Variants in CACNA1E observed in about 807,000 individuals in gnomAD.
The protein encoded by CACNA1E is voltage-dependent R-type calcium channel subunit alpha-1E.
Under a neutral mutation model 259.2 loss-of-function variants are expected in CACNA1E, and 40 were observed. That is an observed-to-expected ratio of 0.15 (90% confidence interval 0.12 to 0.20). CACNA1E has a LOEUF of 0.20. CACNA1E is among the 10% of genes least tolerant of loss of function. CACNA1E has a pLI of 1.00. For synonymous variants in CACNA1E, 1,104 were observed against 1,138.5 expected (o/e 0.97, Z 0.61); for missense variants, 1,874 against 3,040.1 (o/e 0.62, Z 9.02).
At chr1:181,624,363 C>T (rs1656001622) in intron 6 of CACNA1E, among the ~76,000 whole-genome samples, 2 of 152,184 alleles carry the variant, frequency 1.3e-5, no homozygotes, top group Non-Finnish European at 2.9e-5. Context: ...TGAAAGATTT[C>T]TCTATAGCAT....
chr1:181,496,756 G>A (rs189110635), intron 1 of CACNA1E, among the ~76,000 whole-genome samples: 126 of 152,260 alleles, frequency 8.3e-4, no homozygotes, highest in African/African-American at 3.0e-3. Context: ...CTTGGCTTCC[G>A]GAAACCAGAC....
At chr1:181,734,114 T>A (rs12139675) in intron 21 of CACNA1E, among the ~76,000 whole-genome samples, 16,745 of 152,152 alleles carry the variant, frequency 0.11, 968 homozygotes, top group Admixed American at 0.16. Context: ...TTAGGGAGCC[T>A]CTGATGGAGT....
chr1:181,332,816 A>C (rs1370338974), intron 1 of CACNA1E, among the ~76,000 whole-genome samples: 3 of 152,202 alleles, frequency 2.0e-5, no homozygotes, highest in African/African-American at 7.2e-5. Flanking sequence ...AACTGATAAA[A>C]TGCACACTCC....
chr1:181,470,054 T>TGA (rs956068748), intron 2 of CACNA1E, among the ~76,000 whole-genome samples: 7 of 143,260 alleles, frequency 4.9e-5, no homozygotes, highest in African/African-American at 7.7e-5. Flanking sequence ...AGAGAGAGAG[T>TGA]GAGAGAGAGA....
At chr1:181,716,494 G>A (rs1377752343) in intron 10 of CACNA1E, among the ~76,000 whole-genome samples, 1 of 152,114 alleles carries the variant, frequency 6.6e-6, no homozygotes, top group Non-Finnish European at 1.5e-5. Context: ...TTGCTTCCAG[G>A]GACACGGATG....
intron 6 of CACNA1E, among the ~76,000 whole-genome samples, chr1:181,593,637 C>G (rs1165697721): frequency 6.6e-6 from 1 of 152,164 alleles, no homozygotes; most frequent in Non-Finnish European, 1.5e-5. Context: ...CGCTCGGGTT[C>G]AAGCGATTCT....
At chr1:181,421,856 T>G (rs933923668) in intron 2 of CACNA1E, among the ~76,000 whole-genome samples, 3 of 152,210 alleles carry the variant, frequency 2.0e-5, no homozygotes, top group African/African-American at 7.2e-5. Flanking sequence ...TGCATCTTTG[T>G]TTCCCTAGAA....
At position 181,607,574 on chromosome 1, in the gene CACNA1E, C is replaced by G. The variant is rs183246418; in HGVS notation, c.951+26798C>G. On this transcript the variant is annotated intron_variant, in intron 6 of 47. Coordinates refer to ENST00000367573, the MANE Select transcript of CACNA1E (RefSeq NM_001205293.3). ...CGTTCCTGGCCATGGCTCTTATTCTCTAGAAGCTTCAGCCTTTCTGCAAAA... is the reference window on the plus strand; with the variant it reads ...CGTTCCTGGCCATGGCTCTTATTCTGTAGAAGCTTCAGCCTTTCTGCAAAA... 1.1e-3 allele frequency among the ~76,000 whole-genome samples: 174 copies of G among 152,258 alleles called. 2 individuals carry two copies. The highest frequency in any genetic ancestry group is 0.01 in the Middle Eastern group (3 of 294).
intron 6 of CACNA1E, among the ~76,000 whole-genome samples, chr1:181,621,226 G>C (rs1655694682): frequency 6.6e-6 from 1 of 152,236 alleles, no homozygotes; most frequent in Middle Eastern, 3.2e-3. Context: ...TGCCCCATGG[G>C]CAATCAGGAG....
chr1:181,449,186 TGCTGTG>T (rs1178606027), intron 2 of CACNA1E, among the ~76,000 whole-genome samples: 2 of 152,224 alleles, frequency 1.3e-5, no homozygotes, highest in Non-Finnish European at 2.9e-5. Flanking sequence ...AGACTATTGA[TGCTGTG>T]GCACTTTGGA....
At chr1:181,689,130 C>T (rs1007470153) in intron 7 of CACNA1E, among the ~76,000 whole-genome samples, 16 of 152,144 alleles carry the variant, frequency 1.1e-4, no homozygotes, top group African/African-American at 3.4e-4. Context: ...CTCCCCTACC[C>T]GCCCCCTGAT....
chr1:181,537,818 A>G lies in CACNA1E; in HGVS notation c.512+26308A>G, dbSNP rs192074497. On this transcript the variant is annotated intron_variant, in intron 3 of 47. Coordinates refer to ENST00000367573, the MANE Select transcript of CACNA1E (RefSeq NM_001205293.3). ...TCTATTCTATTACTATTGCCATTTTATAGATGAAGAAACAGAGGTACAGTG... is the reference window on the plus strand; with the variant it reads ...TCTATTCTATTACTATTGCCATTTTGTAGATGAAGAAACAGAGGTACAGTG... 7.9e-5 allele frequency among the ~76,000 whole-genome samples: 12 copies of G among 152,320 alleles called. No individual in the cohort carries two copies. The East Asian group carries it at 1.7e-3, about 22-fold the overall frequency.
chr1:181,698,317 C>T (rs976016421), intron 7 of CACNA1E, among the ~76,000 whole-genome samples: 2 of 152,190 alleles, frequency 1.3e-5, no homozygotes, highest in Non-Finnish European at 2.9e-5. Context: ...GTACTTTGTA[C>T]TTTAAGAGAG....
intron 3 of CACNA1E, among the ~76,000 whole-genome samples, chr1:181,572,849 A>G (rs1237475240): frequency 6.6e-6 from 1 of 152,124 alleles, no homozygotes; most frequent in Non-Finnish European, 1.5e-5. Context: ...TCTGGTCCTG[A>G]GAGTGAGATA....
At position 181,658,387 on chromosome 1, in the gene CACNA1E, G is replaced by A. The variant is rs191135816; in HGVS notation, c.1055+6946G>A. Among the ~76,000 whole-genome samples the A allele has an allele frequency of 2.0e-5, 3 of 152,316 alleles. No individual in the cohort carries two copies. In the East Asian group the frequency reaches 5.8e-4, roughly 29 times the overall value. On this transcript the variant is annotated intron_variant, in intron 7 of 47. Transcript: ENST00000367573. ...ATTCATGGGTGAGAAGCCTAACCCT[G>A]TAAGAAACCACTTATTAGCATTGCG...
At position 181,798,750 on chromosome 1, in the gene CACNA1E, G is replaced by A. The variant is rs751326531; in HGVS notation, c.6858G>A (p.Arg2286=). 31 of 1,604,256 alleles carry A rather than the reference G, an allele frequency of 1.9e-5. No homozygotes were observed. Among genetic ancestry groups the A allele is most frequent in the Non-Finnish European group, 2.6e-5 (31 of 1,174,930 alleles). The change falls in exon 48 of 48, where the codon CGG becomes CGA. Residue 2286 remains arginine (R), a synonymous_variant. Coordinates refer to ENST00000367573, the MANE Select transcript of CACNA1E (RefSeq NM_001205293.3). This position sits in a 1 kb window ranked among gnomAD's most constrained non-coding sequence, Gnocchi z 4.2. Reference sequence around the variant, plus strand: ...TGCCCAACGGGCACTATCGGCGGCGGAGGCGCGGGGGGCCTGGGCCAGGCA... The same window carrying A: ...TGCCCAACGGGCACTATCGGCGGCGAAGGCGCGGGGGGCCTGGGCCAGGCA... ...WQMPNGHYRR[R]RRGGPGPGMM...
At chr1:181,786,034 A>C (rs1194487284) in intron 43 of CACNA1E, among the ~76,000 whole-genome samples, 1 of 152,228 alleles carries the variant, frequency 6.6e-6, no homozygotes, top group African/African-American at 2.4e-5. Context: ...AACGTCGGTG[A>C]TCACTTTGAA....
At chr1:181,409,478 T>G (rs1657695053) in intron 1 of CACNA1E, among the ~76,000 whole-genome samples, 2 of 152,224 alleles carry the variant, frequency 1.3e-5, no homozygotes, top group Admixed American at 6.5e-5. Context: ...CAAACAGCAC[T>G]AATGGTCACC....
intron 1 of CACNA1E, among the ~76,000 whole-genome samples, chr1:181,506,808 T>G (rs1276345768): frequency 6.6e-6 from 1 of 151,512 alleles, no homozygotes; most frequent in African/African-American, 2.5e-5. Flanking sequence ...AACAGGGCTG[T>G]AAGGGAGAGT....
Sources: allele counts gnomAD v4.1 joint callset (sites outside exome capture counted in the v4.1 genomes callset), GRCh38; gene constraint gnomAD v4.1.1; non-coding constraint Gnocchi (gnomAD v3.1); transcripts MANE v1.5; gene names NCBI Gene and HGNC (gene_info 2026-07-23, HGNC 2026-07-21).